Variants in NAP1L4 observed in about 807,000 individuals in gnomAD.
The protein encoded by NAP1L4 is nucleosome assembly protein 1 like 4.
Under a neutral mutation model 58.2 loss-of-function variants are expected in NAP1L4, and 15 were observed. That is an observed-to-expected ratio of 0.26 (90% CI 0.17 to 0.40). The LOEUF (loss-of-function observed/expected upper bound fraction) is 0.40. Ranked by LOEUF, NAP1L4 falls within the 10% of genes least tolerant of loss-of-function variation. NAP1L4 has a pLI of 1.00. For missense variants in NAP1L4, 384 were observed against 451.1 expected (o/e 0.85, Z 1.35); for synonymous variants, 171 against 155.6 (o/e 1.10, Z -0.74).
chr11:2,957,460 C>G (rs989991570), intron 10 of NAP1L4, among the ~76,000 whole-genome samples: 22 of 152,324 alleles, frequency 1.4e-4, no homozygotes, highest in African/African-American at 4.3e-4. Flanking sequence ...ATCAATCACT[C>G]AGACTGGAGA....
At chr11:2,991,222 C>A in intron 1 of NAP1L4, 1 of 438,702 alleles carries the variant, frequency 2.3e-6, no homozygotes, top group Non-Finnish European at 4.7e-6. Flanking sequence ...CTAAACATGT[C>A]TGCCTCCTGC....
chr11:2,989,298 T>A (rs1235437201), intron 1 of NAP1L4: 2 of 152,200 alleles, frequency 1.3e-5, no homozygotes, highest in Non-Finnish European at 2.9e-5. Context: ...AAGCATTCCT[T>A]AGCTAGCAAT....
At chr11:2,953,112 G>T (rs1402091061) in intron 12 of NAP1L4, among the ~76,000 whole-genome samples, 1 of 152,194 alleles carries the variant, frequency 6.6e-6, no homozygotes, top group African/African-American at 2.4e-5. Context: ...ATGGGGATGC[G>T]AGTCTGAGCA....
intron 1 of NAP1L4, chr11:2,990,747 T>G: frequency 6.1e-6 from 1 of 165,260 alleles, no homozygotes; most frequent in Non-Finnish European, 1.3e-5. Flanking sequence ...GCTTCCAGAG[T>G]AGTTAAATGG....
intron 7 of NAP1L4, among the ~76,000 whole-genome samples, chr11:2,969,278 CTTTT>C (rs541519958): frequency 6.6e-6 from 1 of 151,620 alleles, no homozygotes; most frequent in Non-Finnish European, 1.5e-5. Flanking sequence ...TGCCTGGCCT[CTTTT>C]TTTAAAAAAA....
chr11:2,985,375 T>C (rs554842439), intron 1 of NAP1L4, among the ~76,000 whole-genome samples: 6 of 150,550 alleles, frequency 4.0e-5, no homozygotes, highest in Non-Finnish European at 7.4e-5. Flanking sequence ...CTATCAAATA[T>C]ACAGGTTTGA....
chr11:2,972,001 G>C, intron 5 of NAP1L4, 101 bp downstream of exon 5: 2 of 1,252,964 alleles, frequency 1.6e-6, no homozygotes, highest in Non-Finnish European at 2.1e-6. Flanking sequence ...GGTTAGATGC[G>C]TTCTTACCCT....
rs530366547 is a variant in NAP1L4 at position 2,951,603 on chromosome 11, C to A, written c.1065+177G>T. 2.0e-5 allele frequency among the ~76,000 whole-genome samples: 3 copies of A among 152,278 alleles called. No homozygotes were observed. The highest frequency in any genetic ancestry group is 7.2e-5 in the African/African-American group (3 of 41,546). On this transcript the variant is annotated intron_variant, in intron 13 of 15. Coordinates refer to ENST00000380542, the MANE Select transcript of NAP1L4 (RefSeq NM_005969.4). The surrounding 1 kb of genome is among the most constrained non-coding windows in gnomAD (Gnocchi z 4.0). ...ACTGCAGGGTCAAAAACGATGGAAACTGTCACAGCATTTGCTATGCATTTC... is the reference window on the plus strand; with the variant it reads ...ACTGCAGGGTCAAAAACGATGGAAAATGTCACAGCATTTGCTATGCATTTC...
chr11:2,952,350 G>A (rs1462951692), intron 12 of NAP1L4: 1 of 153,844 alleles, frequency 6.5e-6, no homozygotes, highest in East Asian at 1.9e-4. Flanking sequence ...TTAGTCAATT[G>A]TCTTGAATCA....
chr11:2,948,556 C>G lies in NAP1L4; in HGVS notation c.*32+671G>C, dbSNP rs1846058451. On this transcript the variant is annotated intron_variant, in intron 15 of 15. Transcript: ENST00000380542. The surrounding 1 kb of genome is among the most constrained non-coding windows in gnomAD (Gnocchi z 5.1). ...CCAGGACAGGGCAGAGCTACAGGGACTGAAGAAAGTGGAGTGGGAAACAGC... is the reference window on the plus strand; with the variant it reads ...CCAGGACAGGGCAGAGCTACAGGGAGTGAAGAAAGTGGAGTGGGAAACAGC... Among the ~76,000 whole-genome samples the G allele has an allele frequency of 1.3e-5, 2 of 152,178 alleles. No homozygotes were observed. The highest frequency in any genetic ancestry group is 2.1e-4 in the South Asian group (1 of 4,828).
At chr11:2,986,784 A>AT (rs71035459) in intron 1 of NAP1L4, among the ~76,000 whole-genome samples, 24 of 143,978 alleles carry the variant, frequency 1.7e-4, no homozygotes, top group Non-Finnish European at 2.0e-4. Context: ...TGCCCAGCTA[A>AT]TTTTTTTTTT....
chr11:2,969,683 T>C lies in NAP1L4; in HGVS notation c.534+120A>G, dbSNP rs953878114. 4.5e-5 allele frequency: 50 copies of C among 1,101,086 alleles called. 2 individuals carry two copies. The South Asian group carries it at 9.1e-4, about 20-fold the overall frequency. 68.2% of individuals were successfully genotyped at this position (1,101,086 alleles called of 1,614,324 possible). Reference sequence around the variant, plus strand: ...CATCTGAGGTCCTGGTCAGAGAAAGTGCCCTTCCGCCCACTATGAACAATC... The same window carrying C: ...CATCTGAGGTCCTGGTCAGAGAAAGCGCCCTTCCGCCCACTATGAACAATC... On this transcript the variant is annotated intron_variant, in intron 7 of 15. Coordinates refer to ENST00000380542, the MANE Select transcript of NAP1L4 (RefSeq NM_005969.4).
chr11:2,965,571 C>T (rs896379688), intron 7 of NAP1L4, among the ~76,000 whole-genome samples: 7 of 152,170 alleles, frequency 4.6e-5, no homozygotes, highest in East Asian at 3.9e-4. Flanking sequence ...TTTTTTGAGA[C>T]GGAGTCTGGC....
chr11:2,952,143 T>C (rs2133905597), intron 12 of NAP1L4: 2 of 378,278 alleles, frequency 5.3e-6, no homozygotes, highest in South Asian at 8.9e-5. Flanking sequence ...AAGATTTTTG[T>C]AAACCGATGA....
Position 2,949,154 on chromosome 11 carries a change from AGTCAAAACAAT to A in NAP1L4, c.*32+62_*32+72del. On this transcript the variant is annotated intron_variant, in intron 15 of 15. Coordinates refer to ENST00000380542, the MANE Select transcript of NAP1L4 (RefSeq NM_005969.4). The surrounding 1 kb of genome is among the most constrained non-coding windows in gnomAD (Gnocchi z 4.0). ...GGACAGCAACTCCCTCTTTATTCAAAGTCAAAACAATGCATTGTATAAAGTATAGATCAGAA... is the reference window on the plus strand; with the variant it reads ...GGACAGCAACTCCCTCTTTATTCAAAGCATTGTATAAAGTATAGATCAGAA... 8.2e-7 allele frequency: 1 copy of A among 1,216,974 alleles called. No individual in the cohort carries two copies. Among genetic ancestry groups the A allele is most frequent in the South Asian group, 1.3e-5 (1 of 76,554 alleles). 75.4% of individuals were successfully genotyped at this position (1,216,974 alleles called of 1,614,324 possible). A position where few individuals can be genotyped will look rare whatever the true frequency, so the allele number is the denominator to read the frequency against.
intron 8 of NAP1L4, chr11:2,963,699 T>C (rs1847086613): frequency 1.9e-6 from 1 of 513,154 alleles, no homozygotes; most frequent in Non-Finnish European, 3.9e-6. Flanking sequence ...AGGAAGATAC[T>C]GGTGACTGGC....
At position 2,972,126 on chromosome 11, in the gene NAP1L4, C is replaced by T. The variant is rs202073858; in HGVS notation, c.291G>A (p.Ala97=). The T allele has an allele frequency of 6.2e-5, 99 of 1,594,874 alleles. No individual in the cohort carries two copies. The highest frequency in any genetic ancestry group is 5.4e-5 in the Admixed American group (3 of 55,510). ...EVHDLERKYA[A]LYQPLFDKRR... ...CCTTGTCAAAGAGAGGCTGGTATAG[C>T]GCTGCATACTTTCTTTCCAAGTCAT... The change falls in exon 5 of 16, where the codon GCG becomes GCA. Residue 97 remains alanine (A), a synonymous_variant. Transcript: ENST00000380542.
At chr11:2,977,963 C>T (rs1848065196) in intron 3 of NAP1L4, among the ~76,000 whole-genome samples, 1 of 151,562 alleles carries the variant, frequency 6.6e-6, no homozygotes, top group Non-Finnish European at 1.5e-5. Flanking sequence ...GCCCAGGAGT[C>T]CAAGACCAGC....
At chr11:2,963,969 G>GT (rs1847107394) in intron 8 of NAP1L4, 2 of 503,660 alleles carry the variant, frequency 4.0e-6, no homozygotes, top group East Asian at 5.5e-5. Context: ...TCAGATAAAA[G>GT]TAAGGGCTGA....
Sources: gnomAD v4.1 joint callset for allele counts (sites outside exome capture counted in the v4.1 genomes callset) on GRCh38, gnomAD v4.1.1 for gene constraint, Gnocchi (gnomAD v3.1) non-coding constraint, MANE v1.5 for transcripts, NCBI Gene and HGNC (gene_info 2026-07-23, HGNC 2026-07-21) for gene names.